SLC26A7: variants seen among roughly 807,000 people sequenced by gnomAD.
The protein encoded by SLC26A7 is solute carrier family 26 member 7, also known as anion exchange transporter.
A neutral mutation model predicts 82.5 loss-of-function variants in SLC26A7; 59 were observed. The observed-to-expected ratio is 0.72, with a 90% CI of 0.58 to 0.89. SLC26A7 has a LOEUF of 0.89. Ranked by LOEUF, SLC26A7 falls within the 40% of genes least tolerant of loss-of-function variation. The pLI is 0.00. For missense variants in SLC26A7, 820 were observed against 793.0 expected (o/e 1.03, Z -0.41); for synonymous variants, 271 against 274.3 (o/e 0.99, Z 0.12).
At chr8:91,358,389 C>G (rs1813938515) in intron 11 of SLC26A7, among the ~76,000 whole-genome samples, 1 of 146,836 alleles carries the variant, frequency 6.8e-6, no homozygotes. Flanking sequence ...AGTGCAGTGG[C>G]ACAATCTTGG....
intron 4 of SLC26A7, among the ~76,000 whole-genome samples, chr8:91,316,425 G>A (rs954028179): frequency 3.6e-5 from 5 of 138,158 alleles, no homozygotes; most frequent in Non-Finnish European, 7.6e-5. Context: ...TGGGACTACA[G>A]GAACTCGCTG....
chr8:91,337,106 T>G (rs1446007543), intron 6 of SLC26A7, among the ~76,000 whole-genome samples: 1 of 152,056 alleles, frequency 6.6e-6, no homozygotes, highest in Non-Finnish European at 1.5e-5. Context: ...TTCCTTTTTA[T>G]CTTTTTCTTT....
At chr8:91,236,229 A>C (rs1810391382) in intron 2 of SLC26A7, among the ~76,000 whole-genome samples, 1 of 152,190 alleles carries the variant, frequency 6.6e-6, no homozygotes, top group Non-Finnish European at 1.5e-5. Context: ...CCTAAATAGA[A>C]TGAAAAGCAA....
intron 2 of SLC26A7, among the ~76,000 whole-genome samples, chr8:91,276,217 T>C (rs966285202): frequency 1.3e-4 from 19 of 150,952 alleles, no homozygotes; most frequent in African/African-American, 4.4e-4. Context: ...TCTACTAAAA[T>C]ATCAAAAGAT....
At chr8:91,371,154 G>A (rs1331395025) in intron 15 of SLC26A7, among the ~76,000 whole-genome samples, 6 of 151,822 alleles carry the variant, frequency 4.0e-5, no homozygotes, top group Admixed American at 3.9e-4. Flanking sequence ...ACATTTTTCT[G>A]TTATTAGATC....
upstream of SLC26A7, among the ~76,000 whole-genome samples, chr8:91,246,115 T>A (rs1430113427): frequency 6.6e-6 from 1 of 152,236 alleles, no homozygotes; most frequent in Non-Finnish European, 1.5e-5. Context: ...TTATTCTCAT[T>A]TTCTCTCCAC....
chr8:91,285,034 C>A lies in SLC26A7; in HGVS notation c.194-4102C>A, dbSNP rs920606159. ...ACACCACAGGAATTTATTCTTGAGG[C>A]TAGAAGCCCAAAATTAAGGTGTTGA... On this transcript the variant is annotated intron_variant, in intron 2 of 18. Coordinates refer to ENST00000276609, the MANE Select transcript of SLC26A7 (RefSeq NM_052832.4). Among the ~76,000 whole-genome samples, 6 of 152,330 alleles carry A rather than the reference C, an allele frequency of 3.9e-5. No individual in the cohort carries two copies. In the East Asian group the frequency reaches 9.6e-4, roughly 24 times the overall value.
At chr8:91,361,283 G>C (rs140963090) in intron 11 of SLC26A7, among the ~76,000 whole-genome samples, 1 of 152,066 alleles carries the variant, frequency 6.6e-6, no homozygotes, top group Non-Finnish European at 1.5e-5. Flanking sequence ...GAGCCCTTTA[G>C]AAATATTTAT....
exon 2 of SLC26A7, chr8:91,218,995 G>C: frequency 3.9e-6 from 6 of 1,536,480 alleles, no homozygotes; most frequent in Non-Finnish European, 5.3e-6. Flanking sequence ...AATTGCTCAG[G>C]TGTAGAACAG....
chr8:91,249,583 A>G lies in SLC26A7; in HGVS notation c.-69A>G. 7.8e-7 allele frequency: 1 copy of G among 1,283,282 alleles called. No individual in the cohort carries two copies. Among genetic ancestry groups the G allele is most frequent in the Non-Finnish European group, 1.0e-6 (1 of 967,298 alleles). The allele number at this position is 1,283,282 out of a possible 1,614,324, so 79.5% of individuals were successfully genotyped here. A position where few individuals can be genotyped will look rare whatever the true frequency, so the allele number is the denominator to read the frequency against. On this transcript the variant is annotated 5_prime_UTR_variant, in exon 2 of 19. Coordinates refer to ENST00000276609, the MANE Select transcript of SLC26A7 (RefSeq NM_052832.4). Reference sequence around the variant, plus strand: ...AGACGAATTGGAGCTTGGCATTGAAAGGAGGTGTTCTGCAATGATTTTTTT... The same window carrying G: ...AGACGAATTGGAGCTTGGCATTGAAGGGAGGTGTTCTGCAATGATTTTTTT...
At chr8:91,394,112 ATATTAGCT>A in intron 18 of SLC26A7, 73 bp downstream of exon 18, 1 of 1,588,028 alleles carries the variant, frequency 6.3e-7, no homozygotes, top group Non-Finnish European at 8.6e-7. Context: ...TGCATCTTTT[ATATTAGCT>A]TATTACTCCA....
intron 2 of SLC26A7, among the ~76,000 whole-genome samples, chr8:91,288,611 G>T (rs551541720): frequency 2.1e-5 from 2 of 94,672 alleles, no homozygotes; most frequent in Non-Finnish European, 5.8e-5. Flanking sequence ...TTTATTCATC[G>T]GCCCTACTGC....
chr8:91,362,556 T>A, intron 12 of SLC26A7, 97 bp downstream of exon 12: 1 of 815,196 alleles, frequency 1.2e-6, no homozygotes, highest in Non-Finnish European at 2.0e-6. Context: ...TATTTCTCTG[T>A]AACATATAGT....
At chr8:91,390,446 C>T (rs1016227675) in intron 16 of SLC26A7, among the ~76,000 whole-genome samples, 1 of 151,862 alleles carries the variant, frequency 6.6e-6, no homozygotes, top group Non-Finnish European at 1.5e-5. Context: ...GGGAATTCAC[C>T]TTCTTTCTTA....
At chr8:91,224,950 G>A (rs1209158396) in intron 2 of SLC26A7, among the ~76,000 whole-genome samples, 1 of 152,214 alleles carries the variant, frequency 6.6e-6, no homozygotes, top group Non-Finnish European at 1.5e-5. Flanking sequence ...GACCTGAAGA[G>A]GCACTCTGGC....
intron 5 of SLC26A7, among the ~76,000 whole-genome samples, chr8:91,331,389 G>C (rs1284530141): frequency 6.6e-6 from 1 of 152,076 alleles, no homozygotes; most frequent in East Asian, 1.9e-4. Context: ...ATGTAACCTA[G>C]AGAATTCAAC....
At chr8:91,328,060 T>C (rs1812982250) in intron 5 of SLC26A7, among the ~76,000 whole-genome samples, 1 of 152,154 alleles carries the variant, frequency 6.6e-6, no homozygotes, top group African/African-American at 2.4e-5. Context: ...AATAGAATTT[T>C]CTGGTTAATA....
rs573211867 is a variant in SLC26A7 at position 91,274,437 on chromosome 8, A to G, written c.194-14699A>G. Among the ~76,000 whole-genome samples, 8 of 152,342 alleles carry G rather than the reference A, an allele frequency of 5.3e-5. No individual in the cohort carries two copies. The East Asian group carries it at 9.7e-4, about 18-fold the overall frequency. On this transcript the variant is annotated intron_variant, in intron 2 of 18. Transcript: ENST00000276609. ...AAGGGCCTTCTTTCTGTCTTATAAC[A>G]TAGTGGTAGACAGAGAGAGAGAGAG...
intron 2 of SLC26A7, among the ~76,000 whole-genome samples, chr8:91,280,188 T>C (rs1225883064): frequency 6.6e-6 from 1 of 152,246 alleles, no homozygotes; most frequent in Non-Finnish European, 1.5e-5. Flanking sequence ...CAGACCAATG[T>C]CATGGAGCTT....
Sources: allele counts gnomAD v4.1 joint callset (sites outside exome capture counted in the v4.1 genomes callset), GRCh38; gene constraint gnomAD v4.1.1; transcripts MANE v1.5; gene names NCBI Gene and HGNC (gene_info 2026-07-23, HGNC 2026-07-21).